The following LRRTM3 variants were observed in gnomAD, a reference collection of about 807,000 sequenced individuals.
The protein encoded by LRRTM3 is leucine rich repeat transmembrane neuronal 3.
A neutral mutation model predicts 44.7 loss-of-function variants in LRRTM3; 24 were observed. That is an observed-to-expected ratio of 0.54 (90% CI 0.39 to 0.76). The LOEUF (loss-of-function observed/expected upper bound fraction) is 0.76, where lower values mean the gene tolerates loss of function less well. LRRTM3 is among the 30% of genes least tolerant of loss of function. The probability of loss-of-function intolerance (pLI) is 0.00; values close to 1 mark genes in which losing one functional copy is unlikely to be tolerated. For synonymous variants in LRRTM3, 277 were observed against 278.7 expected, an observed-to-expected ratio of 0.99 and a Z score of 0.06; for missense variants, 587 against 702.2, an observed-to-expected ratio of 0.84 and a Z score of 1.85.
intron 2 of LRRTM3, among the ~76,000 whole-genome samples, chr10:66,996,602 C>T (rs562571952): frequency 3.8e-5 from 5 of 130,370 alleles, no homozygotes; most frequent in South Asian, 5.0e-4. Context: ...GGGTCAAGAT[C>T]GCACCACTGC....
chr10:67,056,670 G>T (rs994284153), intron 2 of LRRTM3, among the ~76,000 whole-genome samples: 1 of 152,020 alleles, frequency 6.6e-6, no homozygotes, highest in East Asian at 1.9e-4. Context: ...AAACCCAACA[G>T]TCCTCCACCC....
chr10:67,073,304 C>T (rs958770573), intron 2 of LRRTM3, among the ~76,000 whole-genome samples: 1 of 152,138 alleles, frequency 6.6e-6, no homozygotes, highest in Non-Finnish European at 1.5e-5. Context: ...TTGACTCTCC[C>T]ATATTTTCCA....
chr10:66,979,144 T>C (rs908883311), intron 2 of LRRTM3, among the ~76,000 whole-genome samples: 3 of 151,756 alleles, frequency 2.0e-5, no homozygotes, highest in African/African-American at 7.3e-5. Context: ...TAATTTTTGT[T>C]TTTAGTAGAG....
chr10:67,083,914 G>T (rs1857174357), intron 2 of LRRTM3, among the ~76,000 whole-genome samples: 1 of 152,036 alleles, frequency 6.6e-6, no homozygotes, highest in Non-Finnish European at 1.5e-5. Context: ...TAAAAATAAA[G>T]ATAAGAAAAA....
At chr10:67,083,950 G>C (rs1857175694) in intron 2 of LRRTM3, among the ~76,000 whole-genome samples, 1 of 152,108 alleles carries the variant, frequency 6.6e-6, no homozygotes, top group Admixed American at 6.5e-5. Flanking sequence ...ATTAGGAAGG[G>C]AGAGGGACAC....
At chr10:67,068,036 C>T (rs10822970) in intron 2 of LRRTM3, among the ~76,000 whole-genome samples, 20,552 of 152,092 alleles carry the variant, frequency 0.14, 1,839 homozygotes, top group African/African-American at 0.26. Flanking sequence ...AAAGAACATC[C>T]TAGTAAGAGA....
chr10:66,980,101 C>G (rs72804662), intron 2 of LRRTM3, among the ~76,000 whole-genome samples: 28,265 of 152,062 alleles, frequency 0.19, 2,768 homozygotes, highest in African/African-American at 0.21. Context: ...AACTGTATTT[C>G]CTGGTTACTA....
Position 66,927,668 on chromosome 10 carries a change from C to T in LRRTM3, c.752C>T (p.Thr251Ile). The T allele has an allele frequency of 6.2e-7, 1 of 1,614,154 alleles. No homozygotes were observed. Among genetic ancestry groups the T allele is most frequent in the South Asian group, 1.1e-5 (1 of 91,082 alleles). The change falls in exon 2 of 3, where the codon ACC becomes ATC. Residue 251 changes from threonine (T) to isoleucine (I), a missense_variant. Physicochemically the swap from Thr to Ile is moderately conservative, Grantham distance 89 (BLOSUM62 -1). This residue lies in a region of LRRTM3 where 222 missense variants were observed against 323.3 expected (regional missense o/e 0.69). Coordinates refer to ENST00000361320, the MANE Select transcript of LRRTM3 (RefSeq NM_178011.5). The surrounding 1 kb of genome is among the most constrained non-coding windows in gnomAD (Gnocchi z 4.7). ...ISVIGQTMSWTWSSLQRLDLS... is the reference protein window; with the variant it reads ...ISVIGQTMSWIWSSLQRLDLS... ...GTCATAGGACAGACCATGTCCTGGA[C>T]CTGGAGCTCCTTACAAAGGCTTGAT...
chr10:67,005,650 C>A (rs1421611138), intron 2 of LRRTM3, among the ~76,000 whole-genome samples: 9 of 102,350 alleles, frequency 8.8e-5, no homozygotes, highest in Non-Finnish European at 1.3e-4. Flanking sequence ...CAAGCAAAAG[C>A]AAAAGTAATG....
intron 2 of LRRTM3, among the ~76,000 whole-genome samples, chr10:66,971,620 C>A (rs1012573344): frequency 6.6e-6 from 1 of 152,024 alleles, no homozygotes; most frequent in Non-Finnish European, 1.5e-5. Flanking sequence ...TAGTAGAGTG[C>A]CCACTTAGAG....
intron 2 of LRRTM3, among the ~76,000 whole-genome samples, chr10:67,095,166 T>C (rs1857906874): frequency 6.6e-6 from 1 of 151,666 alleles, no homozygotes. Context: ...TGTGATGCTG[T>C]ATTCAGATAT....
intron 2 of LRRTM3, among the ~76,000 whole-genome samples, chr10:66,978,552 A>AAAATATATATATATATATATATATAT: frequency 2.6e-5 from 1 of 37,884 alleles, no homozygotes; most frequent in Non-Finnish European, 4.8e-5. Flanking sequence ...AAAAAAAAAA[A>AAAATATATATATATATATATATATAT]ATATATATAT....
intron 2 of LRRTM3, among the ~76,000 whole-genome samples, chr10:67,083,656 G>A (rs1211657974): frequency 6.6e-6 from 1 of 152,152 alleles, no homozygotes; most frequent in East Asian, 1.9e-4. Flanking sequence ...CATGTATTAA[G>A]CAACCATGTG....
At chr10:66,972,049 T>A (rs1389259741) in intron 2 of LRRTM3, among the ~76,000 whole-genome samples, 1 of 152,132 alleles carries the variant, frequency 6.6e-6, no homozygotes, top group African/African-American at 2.4e-5. Flanking sequence ...TTAACAGTCT[T>A]TATAATATCT....
chr10:66,962,382 A>T (rs1849156791), intron 2 of LRRTM3, among the ~76,000 whole-genome samples: 1 of 150,344 alleles, frequency 6.7e-6, no homozygotes, highest in Admixed American at 6.6e-5. Flanking sequence ...CAACTCCTCT[A>T]AGTTTTTTTT....
chr10:66,976,590 A>G (rs575587420), intron 2 of LRRTM3, among the ~76,000 whole-genome samples: 1 of 152,348 alleles, frequency 6.6e-6, no homozygotes, highest in East Asian at 1.9e-4. Flanking sequence ...TCCCTAAAGA[A>G]AAATGGTCAT....
chr10:67,028,822 T>G (rs1188904615), intron 2 of LRRTM3, among the ~76,000 whole-genome samples: 2 of 152,130 alleles, frequency 1.3e-5, no homozygotes, highest in Non-Finnish European at 2.9e-5. Context: ...GTAATTACAT[T>G]AGGAAGATAG....
At position 66,928,573 on chromosome 10, in the gene LRRTM3, T is replaced by C; in HGVS notation, c.1536+121T>C. 7.8e-6 allele frequency: 7 copies of C among 902,542 alleles called. No individual in the cohort carries two copies. In the East Asian group the frequency reaches 1.9e-4, roughly 24 times the overall value. The allele number at this position is 902,542 out of a possible 1,614,324, so 55.9% of individuals were successfully genotyped here. A position where few individuals can be genotyped will look rare whatever the true frequency, so the allele number is the denominator to read the frequency against. On this transcript the variant is annotated intron_variant, in intron 2 of 2. Transcript: ENST00000361320. ...CCTCCCCTTCCCTCTCCCTCTCACT[T>C]TGCTGGCAAGATCCTTCCTTGTCCG...
At chr10:67,074,206 T>A (rs1373869975) in intron 2 of LRRTM3, among the ~76,000 whole-genome samples, 2 of 151,688 alleles carry the variant, frequency 1.3e-5, no homozygotes, top group Non-Finnish European at 2.9e-5. Flanking sequence ...CTAATTTTTG[T>A]ACTTTTAATA....
Sources: gnomAD v4.1 joint callset for allele counts (sites outside exome capture counted in the v4.1 genomes callset) on GRCh38, gnomAD v4.1.1 for gene constraint, gnomAD v4.1.1 regional missense constraint, Gnocchi (gnomAD v3.1) non-coding constraint, MANE v1.5 for transcripts, NCBI Gene and HGNC (gene_info 2026-07-23, HGNC 2026-07-21) for gene names.